SCAP: variants seen among roughly 807,000 people sequenced by gnomAD.
SCAP encodes sterol regulatory element-binding protein cleavage-activating protein.
A neutral mutation model predicts 123.6 loss-of-function variants in SCAP; 65 were observed. The ratio of observed to expected loss-of-function variants is 0.53; its 90% CI spans 0.43 to 0.65. The LOEUF (loss-of-function observed/expected upper bound fraction) is 0.65. SCAP is among the 30% of genes least tolerant of loss of function. The pLI, the probability that SCAP is intolerant of heterozygous loss-of-function variation, is 0.00. For synonymous variants in SCAP, 740 were observed against 726.3 expected, an observed-to-expected ratio of 1.02 and a Z score of -0.30; for missense variants, 1,398 against 1,712.5, an observed-to-expected ratio of 0.82 and a Z score of 3.24.
intron 9 of SCAP, among the ~76,000 whole-genome samples, chr3:47,423,216 C>T (rs749554318): frequency 1.3e-5 from 2 of 152,226 alleles, no homozygotes; most frequent in Non-Finnish European, 2.9e-5. Flanking sequence ...ACCAGGCCTC[C>T]AAGGCCAGGC....
intron 1 of SCAP, among the ~76,000 whole-genome samples, chr3:47,465,920 G>A (rs1707808348): frequency 6.6e-6 from 1 of 151,746 alleles, no homozygotes; most frequent in South Asian, 2.1e-4. Flanking sequence ...GGGTCATGAG[G>A]TCAAGAGATC....
chr3:47,454,130 G>A (rs1707321465), intron 1 of SCAP, among the ~76,000 whole-genome samples: 1 of 152,148 alleles, frequency 6.6e-6, no homozygotes, highest in African/African-American at 2.4e-5. Context: ...CACTTTGGGT[G>A]GCCGAGGCGG....
chr3:47,450,575 G>T (rs1707200619), intron 1 of SCAP, among the ~76,000 whole-genome samples: 1 of 112,632 alleles, frequency 8.9e-6, no homozygotes, highest in Non-Finnish European at 1.9e-5. Context: ...TGCAGTGGCA[G>T]GATCACAGCT....
chr3:47,454,171 T>C (rs1289722640), intron 1 of SCAP, among the ~76,000 whole-genome samples: 4 of 151,810 alleles, frequency 2.6e-5, no homozygotes, highest in Non-Finnish European at 5.9e-5. Context: ...ATTGAGACCA[T>C]CCTGGCTAAC....
At chr3:47,452,731 G>A (rs961208351) in intron 1 of SCAP, among the ~76,000 whole-genome samples, 10 of 152,224 alleles carry the variant, frequency 6.6e-5, no homozygotes, top group African/African-American at 2.2e-4. Context: ...TACCAAACCT[G>A]GAGCCCAAGA....
chr3:47,417,169 G>C lies in SCAP; in HGVS notation c.3009C>G (p.Ser1003Arg). 1 of 1,613,016 alleles carries C rather than the reference G, an allele frequency of 6.2e-7. No homozygotes were observed. Among genetic ancestry groups the C allele is most frequent in the Non-Finnish European group, 8.5e-7 (1 of 1,180,002 alleles). ...DAIEGVLCCS[S>R]EEVSSGITAL... ...CGGTAATGCCTGAGGAGACCTCCTC[G>C]CTGCTGCAGCACAGCACCCCTTCAA... The change falls in exon 18 of 23, where the codon AGC becomes AGG. Residue 1003 changes from serine (S) to arginine (R), a missense_variant. Physicochemically the swap from Ser to Arg is moderately radical, Grantham distance 110 (BLOSUM62 -1). Transcript: ENST00000265565.
intron 3 of SCAP, among the ~76,000 whole-genome samples, chr3:47,433,484 C>T (rs1212620840): frequency 6.6e-6 from 1 of 152,252 alleles, no homozygotes; most frequent in East Asian, 1.9e-4. Flanking sequence ...ACGGCCTCAT[C>T]ATTAAACATC....
chr3:47,432,160 A>C (rs1398056704), intron 3 of SCAP, among the ~76,000 whole-genome samples: 1 of 151,986 alleles, frequency 6.6e-6, no homozygotes, highest in African/African-American at 2.4e-5. Context: ...CTACTAAAAT[A>C]CAAAAAATTA....
At chr3:47,455,194 A>T (rs183325656) in intron 1 of SCAP, among the ~76,000 whole-genome samples, 1 of 151,212 alleles carries the variant, frequency 6.6e-6, no homozygotes, top group Admixed American at 6.6e-5. Context: ...ACAAGCAGGC[A>T]GAAGTAAAAT....
rs1559540004 is a variant in SCAP at position 47,418,335 on chromosome 3, G to A, written c.2317C>T (p.Arg773Cys). The A allele has an allele frequency of 8.3e-6, 13 of 1,565,358 alleles. No homozygotes were observed. The highest frequency in any genetic ancestry group is 2.3e-5 in the South Asian group (2 of 85,450). ...CCCCTGCTCACCATGAGGTGGCCGC[G>A]CAGCACAAGCGGCACGATCTCCGTC... ...PETEIVPLVL[R>C]GHLMDIECLA... The change falls in exon 15 of 23, where the codon CGC (arginine) becomes TGC (cysteine). Residue 773 changes from arginine to cysteine, a missense_variant. Transcript: ENST00000265565.
chr3:47,416,665 C>G (rs866678276), intron 18 of SCAP, among the ~76,000 whole-genome samples: 1 of 126,884 alleles, frequency 7.9e-6, no homozygotes, highest in Non-Finnish European at 1.6e-5. Flanking sequence ...CTCGCTCTGT[C>G]GCCCAGGCTG....
rs374110557 is a variant in SCAP at position 47,418,801 on chromosome 3, C to A, written c.1983G>T (p.Leu661=). The change falls in exon 14 of 23, where the codon CTG becomes CTT. Residue 661 remains leucine (L), a synonymous_variant. Transcript: ENST00000265565. ...LLPVIPVTLR[L]NPREALEGRH... is the part of the protein sequence containing the mutation. ...GGCCCTCCAGAGCCTCCCTCGGGTTCAGGCGGAGCGTGACTGGGATGACGG... is the reference window on the plus strand; with the variant it reads ...GGCCCTCCAGAGCCTCCCTCGGGTTAAGGCGGAGCGTGACTGGGATGACGG... 6.9e-5 allele frequency: 107 copies of A among 1,552,030 alleles called. No homozygotes were observed. Among genetic ancestry groups the A allele is most frequent in the Non-Finnish European group, 8.9e-5 (103 of 1,153,682 alleles).
chr3:47,452,468 T>C (rs1216429176), intron 1 of SCAP, among the ~76,000 whole-genome samples: 1 of 152,232 alleles, frequency 6.6e-6, no homozygotes, highest in East Asian at 1.9e-4. Context: ...CTAACTGTGA[T>C]ACAAAGCACC....
rs1005410513 is a variant in SCAP, at chr3:47,469,047, C to T, written c.-99+6752G>A. Reference sequence around the variant, plus strand: ...ACATTTAATGTCACTAAATAGTACACTTAAAAATGGTTAAAATGGGCCAGG... The same window carrying T: ...ACATTTAATGTCACTAAATAGTACATTTAAAAATGGTTAAAATGGGCCAGG... On this transcript the variant is annotated intron_variant, in intron 1 of 22. Coordinates refer to ENST00000265565, the MANE Select transcript of SCAP (RefSeq NM_012235.4). Among the ~76,000 whole-genome samples, 51 of 152,150 alleles carry T rather than the reference C, an allele frequency of 3.4e-4. 1 individual carries two copies. The highest frequency in any genetic ancestry group is 3.1e-3 in the Admixed American group (48 of 15,268).
chr3:47,418,157 G>A lies in SCAP; in HGVS notation c.2424C>T (p.Cys808=). The A allele has an allele frequency of 1.3e-6, 2 of 1,569,396 alleles. No homozygotes were observed. Among genetic ancestry groups the A allele is most frequent in the Non-Finnish European group, 1.7e-6 (2 of 1,157,996 alleles). The change falls in exon 16 of 23, where the codon TGC becomes TGT. Residue 808 remains cysteine (C), a synonymous_variant. Coordinates refer to ENST00000265565, the MANE Select transcript of SCAP (RefSeq NM_012235.4). ...ACCCTGGGCGCGGAATGCGCGTTAG[G>A]CAATCCCCGGTCTGCGCGTCCCACA... The part of the protein sequence containing the change: ...VCVWDAQTGD[C]LTRIPRPGRQ...
In SCAP at chr3:47,451,852, A is replaced by T. The variant is rs768117933; in HGVS notation, c.-98-8761T>A. Among the ~76,000 whole-genome samples, 3 of 70,492 alleles carry T rather than the reference A, an allele frequency of 4.3e-5. 1 individual carries two copies. Among genetic ancestry groups the T allele is most frequent in the African/African-American group, 1.3e-4 (3 of 23,624 alleles). The allele number at this position is 70,492 out of a possible 152,430, so 46.2% of individuals were successfully genotyped here. On this transcript the variant is annotated intron_variant, in intron 1 of 22. Transcript: ENST00000265565. The stretch of plus-strand genomic sequence containing the variant: ...CCCCCTAGCTCTCAGGGCTCTGCAC[A>T]ACCCACCCCGGTCCTCTGCAACTTC...
chr3:47,468,130 T>G lies in SCAP; in HGVS notation c.-99+7669A>C, dbSNP rs903543272. 5.3e-5 allele frequency among the ~76,000 whole-genome samples: 8 copies of G among 152,276 alleles called. No homozygotes were observed. The East Asian group carries it at 1.5e-3, about 29-fold the overall frequency. Reference sequence around the variant, plus strand: ...AATCCAGTCTATCATTGATGGACATTTGGGTTGGTTCCAAGTCTTTGCTAT... The same window carrying G: ...AATCCAGTCTATCATTGATGGACATGTGGGTTGGTTCCAAGTCTTTGCTAT... On this transcript the variant is annotated intron_variant, in intron 1 of 22. Transcript: ENST00000265565.
chr3:47,415,705 G>T (rs1296846059), intron 18 of SCAP, among the ~76,000 whole-genome samples: 1 of 152,316 alleles, frequency 6.6e-6, no homozygotes, highest in Admixed American at 6.5e-5. Context: ...GACAGGCAGG[G>T]ATGGGTATAT....
In SCAP at chr3:47,418,088, AG is replaced by A. The variant is rs765735498; in HGVS notation, c.2447+45del. On this transcript the variant is annotated intron_variant, in intron 16 of 22. Transcript: ENST00000265565. ...ATACGTGGCGGCGGGGGGTGGGGTG[AG>A]GGGGGTTGTGGGGGCACAAAGGAGG... is the stretch of plus-strand genomic sequence containing the variant. 6.0e-5 allele frequency: 71 copies of A among 1,176,990 alleles called. 1 individual carries two copies. The South Asian group carries it at 1.0e-3, about 17-fold the overall frequency. The allele number at this position is 1,176,990 out of a possible 1,614,324, so 72.9% of individuals were successfully genotyped here.
Sources: allele counts gnomAD v4.1 joint callset (sites outside exome capture counted in the v4.1 genomes callset), GRCh38; gene constraint gnomAD v4.1.1; transcripts MANE v1.5; gene names NCBI Gene and HGNC (gene_info 2026-07-23, HGNC 2026-07-21).